Variants in PDPN observed in about 807,000 individuals in gnomAD.
PDPN encodes podoplanin.
In PDPN, 12 loss-of-function variants were observed where a neutral mutation model predicts 23.2. That is an observed-to-expected ratio of 0.52 (90% CI 0.33 to 0.84). The LOEUF (loss-of-function observed/expected upper bound fraction) is 0.84, where lower values mean the gene tolerates loss of function less well. Among genes scored for constraint, PDPN ranks in the 40% least tolerant of loss-of-function variants. PDPN has a pLI of 0.02. For missense variants in PDPN, 199 were observed against 212.2 expected, an observed-to-expected ratio of 0.94 and a Z score of 0.39; for synonymous variants, 77 against 76.7, an observed-to-expected ratio of 1.00 and a Z score of -0.02.
intron 1 of PDPN, among the ~76,000 whole-genome samples, chr1:13,602,065 T>C (rs1467048655): frequency 6.6e-6 from 1 of 151,182 alleles, no homozygotes; most frequent in Admixed American, 6.6e-5. Context: ...GGCTCAGCAC[T>C]TTGGGTGGCT....
At chr1:13,612,888 C>CTCCAATTTCTTTT (rs56226938) in intron 3 of PDPN, among the ~76,000 whole-genome samples, 1 of 151,984 alleles carries the variant, frequency 6.6e-6, no homozygotes, top group Non-Finnish European at 1.5e-5. Flanking sequence ...TGATTAACTT[C>CTCCAATTTCTTTT]TAAATCAAGG....
intron 1 of PDPN, among the ~76,000 whole-genome samples, chr1:13,589,000 T>TCAATAAA (rs1557535456): frequency 1.4e-3 from 70 of 51,792 alleles, no homozygotes; most frequent in African/African-American, 7.2e-3. Context: ...CAATAAATAT[T>TCAATAAA]TATTGAACAG....
intron 3 of PDPN, 57 bp downstream of exon 3, chr1:13,610,573 T>C (rs1341127133): frequency 9.0e-6 from 14 of 1,562,330 alleles, no homozygotes; most frequent in Non-Finnish European, 1.2e-5. Context: ...ATTGGTGCAT[T>C]CCAAAGTCCA....
At position 13,610,313 on chromosome 1, in the gene PDPN, T is replaced by C. The variant is rs1640900032; in HGVS notation, c.202-74T>C. On this transcript the variant is annotated intron_variant, in intron 2 of 5. Coordinates refer to ENST00000621990, the MANE Select transcript of PDPN (RefSeq NM_006474.5). ...ATATTTTTATGCCACCTTAAATCCT[T>C]TTATAAGGCAGGGGATATATTTTAA... The C allele has an allele frequency of 3.0e-6, 4 of 1,321,980 alleles. No homozygotes were observed. In the African/African-American group the frequency reaches 5.9e-5, roughly 20 times the overall value. The allele number at this position is 1,321,980 out of a possible 1,614,324, so 81.9% of individuals were successfully genotyped here.
At position 13,599,011 on chromosome 1, in the gene PDPN, C is replaced by CTTTTTTTTTTTTTTTT. The variant is rs35244657; in HGVS notation, c.68-8160_68-8145dup. ...ACAGTCCAAGAAAGTGCCCCCCCTC[C>CTTTTTTTTTTTTTTTT]TTTTTTTTTTTTTTTTTGGAGATGG... On this transcript the variant is annotated intron_variant, in intron 1 of 5. Coordinates refer to ENST00000621990, the MANE Select transcript of PDPN (RefSeq NM_006474.5). 1.0e-3 allele frequency among the ~76,000 whole-genome samples: 128 copies of CTTTTTTTTTTTTTTTT among 127,030 alleles called. 1 individual carries two copies. The highest frequency in any genetic ancestry group is 3.1e-3 in the African/African-American group (104 of 34,030). 83.3% of individuals were successfully genotyped at this position (127,030 alleles called of 152,430 possible). A position where few individuals can be genotyped will look rare whatever the true frequency, so the allele number is the denominator to read the frequency against.
In PDPN at chr1:13,583,896, G is replaced by A. The variant is rs1569998533; in HGVS notation, c.-138G>A. On this transcript the variant is annotated 5_prime_UTR_variant, in exon 1 of 6. Coordinates refer to ENST00000621990, the MANE Select transcript of PDPN (RefSeq NM_006474.5). ...AGCTCGGGCACCCTCCCTCTCCGGG[G>A]CTCCTGCTCCCACCCCTCCGGCCCC... 6.2e-7 allele frequency: 1 copy of A among 1,611,506 alleles called. No individual in the cohort carries two copies. Among genetic ancestry groups the A allele is most frequent in the South Asian group, 1.1e-5 (1 of 90,842 alleles).
At chr1:13,611,034 A>G (rs1476931973) in intron 3 of PDPN, among the ~76,000 whole-genome samples, 2 of 151,860 alleles carry the variant, frequency 1.3e-5, no homozygotes, top group African/African-American at 4.8e-5. Flanking sequence ...ATCCTGGCTA[A>G]CACGGTGAAA....
Position 13,599,373 on chromosome 1 carries a change from CTTTT to C in PDPN, c.68-7773_68-7770del, listed in dbSNP as rs70984267. 2.1e-3 allele frequency among the ~76,000 whole-genome samples: 163 copies of C among 77,042 alleles called. 2 individuals carry two copies. The East Asian group carries it at 0.04, about 19-fold the overall frequency. 50.5% of individuals were successfully genotyped at this position (77,042 alleles called of 152,430 possible). On this transcript the variant is annotated intron_variant, in intron 1 of 5. Coordinates refer to ENST00000621990, the MANE Select transcript of PDPN (RefSeq NM_006474.5). Reference sequence around the variant, plus strand: ...TATCTTGATGTGTTCGAGAAGCTATCTTTTTTTTTTTTTTTTTTTTTTTTTTTTT... The same window carrying C: ...TATCTTGATGTGTTCGAGAAGCTATCTTTTTTTTTTTTTTTTTTTTTTTTT...
chr1:13,584,446 C>G (rs1640122397), intron 1 of PDPN: 2 of 757,196 alleles, frequency 2.6e-6, no homozygotes, highest in South Asian at 3.8e-5. Context: ...GCTGGGGTTT[C>G]CTTCCCATAG....
intron 1 of PDPN, chr1:13,585,527 C>T (rs1033847105): frequency 7.4e-7 from 1 of 1,351,112 alleles, no homozygotes; most frequent in Non-Finnish European, 9.8e-7. Context: ...AGGGAGCGCC[C>T]TCACTTCAGC....
chr1:13,585,295 C>CATT (rs1316254444), intron 1 of PDPN, among the ~76,000 whole-genome samples: 1 of 152,176 alleles, frequency 6.6e-6, no homozygotes, highest in Non-Finnish European at 1.5e-5. Context: ...GACAAAAATA[C>CATT]CCAATCTCAG....
At chr1:13,606,735 T>A (rs1265585997) in intron 1 of PDPN, among the ~76,000 whole-genome samples, 1 of 152,224 alleles carries the variant, frequency 6.6e-6, no homozygotes. Context: ...ACCCCGCTTT[T>A]GCATCGGGTC....
rs1325417262 is a variant in PDPN at position 13,616,409 on chromosome 1, C to G, written c.*498C>G. The stretch of plus-strand genomic sequence containing the variant: ...TGTACACATTCTGGTCTAGTTTGGT[C>G]TATCTTTTAAAGCCTGATCTGGTGT... On this transcript the variant is annotated 3_prime_UTR_variant, in exon 6 of 6. Coordinates refer to ENST00000621990, the MANE Select transcript of PDPN (RefSeq NM_006474.5). 2 of 164,206 alleles carry G rather than the reference C, an allele frequency of 1.2e-5. No individual in the cohort carries two copies. The highest frequency in any genetic ancestry group is 2.4e-5 in the African/African-American group (1 of 41,622). 10.2% of individuals were successfully genotyped at this position (164,206 alleles called of 1,614,324 possible). A position where few individuals can be genotyped will look rare whatever the true frequency, so the allele number is the denominator to read the frequency against.
chr1:13,605,920 C>T (rs1294584347), intron 1 of PDPN, among the ~76,000 whole-genome samples: 1 of 151,800 alleles, frequency 6.6e-6, no homozygotes, highest in East Asian at 2.0e-4. Flanking sequence ...CACACCTGGC[C>T]CAGAAACCTT....
chr1:13,598,067 A>T (rs547582511), intron 1 of PDPN, among the ~76,000 whole-genome samples: 2 of 151,722 alleles, frequency 1.3e-5, no homozygotes, highest in South Asian at 4.2e-4. Context: ...CTCAGGCTGG[A>T]GTGCGTGGCA....
Position 13,600,821 on chromosome 1 carries a change from T to TAAC in PDPN, c.68-6351_68-6350insACA, listed in dbSNP as rs764062351. ...GGGTGAAAGGAAAAGTGGGGATTTG[T>TAAC]AGCCCACAAGCAGAATGAGGGGATC... On this transcript the variant is annotated intron_variant, in intron 1 of 5. Coordinates refer to ENST00000621990, the MANE Select transcript of PDPN (RefSeq NM_006474.5). Among the ~76,000 whole-genome samples the TAAC allele has an allele frequency of 7.2e-4, 109 of 152,094 alleles. 1 individual carries two copies. The Middle Eastern group carries it at 0.02, about 28-fold the overall frequency.
At chr1:13,599,064 G>A (rs1420378157) in intron 1 of PDPN, among the ~76,000 whole-genome samples, 1 of 145,592 alleles carries the variant, frequency 6.9e-6, no homozygotes, top group Non-Finnish European at 1.5e-5. Context: ...AGCCTGGAGT[G>A]TAGTGGCGCA....
Position 13,616,020 on chromosome 1 carries a change from C to T in PDPN, c.*109C>T. The T allele has an allele frequency of 9.6e-7, 1 of 1,041,196 alleles. No homozygotes were observed. The highest frequency in any genetic ancestry group is 1.3e-5 in the South Asian group (1 of 77,216). The allele number at this position is 1,041,196 out of a possible 1,614,324, so 64.5% of individuals were successfully genotyped here. On this transcript the variant is annotated 3_prime_UTR_variant, in exon 6 of 6. Coordinates refer to ENST00000621990, the MANE Select transcript of PDPN (RefSeq NM_006474.5). Reference sequence around the variant, plus strand: ...AGAAGATGACCCGTGGAACACTTGCCTGGCCCACTCAGAATCCACGGTGAC... The same window carrying T: ...AGAAGATGACCCGTGGAACACTTGCTTGGCCCACTCAGAATCCACGGTGAC...
chr1:13,599,001 GC>G (rs1172789223), intron 1 of PDPN, among the ~76,000 whole-genome samples: 5 of 134,370 alleles, frequency 3.7e-5, no homozygotes, highest in Non-Finnish European at 8.3e-5. Context: ...CCAAGAAAGT[GC>G]CCCCCCTCCT....
Sources: gnomAD v4.1 joint callset for allele counts (sites outside exome capture counted in the v4.1 genomes callset) on GRCh38, gnomAD v4.1.1 for gene constraint, MANE v1.5 for transcripts, NCBI Gene and HGNC (gene_info 2026-07-23, HGNC 2026-07-21) for gene names.